The following ANKRD28 variants were observed in gnomAD, a reference collection of about 807,000 sequenced individuals.
ANKRD28 encodes serine/threonine-protein phosphatase 6 regulatory ankyrin repeat subunit A.
ANKRD28 carries 44 observed loss-of-function variants against 126.5 expected under a neutral mutation model. The ratio of observed to expected loss-of-function variants is 0.35; its 90% CI spans 0.27 to 0.45. The LOEUF (loss-of-function observed/expected upper bound fraction) is 0.45. ANKRD28 is among the 20% of genes least tolerant of loss of function. ANKRD28 has a pLI of 1.00. For missense variants in ANKRD28, 1,110 were observed against 1,316.6 expected, an observed-to-expected ratio of 0.84 and a Z score of 2.43; for synonymous variants, 442 against 468.5, an observed-to-expected ratio of 0.94 and a Z score of 0.73.
chr3:15,677,531 C>A lies in ANKRD28; in HGVS notation c.2739G>T (p.Leu913=). The change falls in exon 25 of 28, where the codon CTG becomes CTT. Residue 913 remains leucine, a synonymous_variant. Coordinates refer to ENST00000683139, the MANE Select transcript of ANKRD28 (RefSeq NM_001349278.2). ...TATTTTTACTGTTATCTTGTAAAGT[C>A]AGTTCTGCACTAGCACTGCTAACCA... is the stretch of plus-strand genomic sequence containing the variant. The part of the protein sequence containing the change: ...EMLVSSASAE[L]TLQDNSKNTA... 6.2e-7 allele frequency: 1 copy of A among 1,612,968 alleles called. No individual in the cohort carries two copies. The highest frequency in any genetic ancestry group is 1.1e-5 in the South Asian group (1 of 90,968).
intron 1 of ANKRD28, among the ~76,000 whole-genome samples, chr3:15,805,247 C>T (rs1309359177): frequency 6.6e-6 from 1 of 151,170 alleles, no homozygotes; most frequent in Non-Finnish European, 1.5e-5. Context: ...AACTAAGGAA[C>T]AAAGGGAGAA....
Position 15,668,854 on chromosome 3 carries a change from G to A in ANKRD28, c.*1416C>T, listed in dbSNP as rs568725996. 2 of 152,642 alleles carry A rather than the reference G, an allele frequency of 1.3e-5. No individual in the cohort carries two copies. The highest frequency in any genetic ancestry group is 1.3e-4 in the Admixed American group (2 of 15,286). The allele number at this position is 152,642 out of a possible 1,614,324, so 9.5% of individuals were successfully genotyped here. The stretch of plus-strand genomic sequence containing the variant: ...GTTTCCAGTTTCACAATACAAAAAG[G>A]ATAAAATGAAATTGGGTATCATTTT... On this transcript the variant is annotated 3_prime_UTR_variant, in exon 28 of 28. Coordinates refer to ENST00000683139, the MANE Select transcript of ANKRD28 (RefSeq NM_001349278.2).
intron 6 of ANKRD28, among the ~76,000 whole-genome samples, chr3:15,728,373 A>G (rs1485878581): frequency 6.6e-6 from 1 of 152,134 alleles, no homozygotes; most frequent in Non-Finnish European, 1.5e-5. Flanking sequence ...ATCTCACTGT[A>G]ACCTCAAACT....
chr3:15,794,007 T>C (rs2125806756), intron 2 of ANKRD28, among the ~76,000 whole-genome samples: 1 of 152,174 alleles, frequency 6.6e-6, no homozygotes, highest in Non-Finnish European at 1.5e-5. Context: ...GAGGCAGAGG[T>C]TGCAGTGAGC....
At chr3:15,778,935 G>A (rs796770200) in intron 2 of ANKRD28, among the ~76,000 whole-genome samples, 6 of 152,180 alleles carry the variant, frequency 3.9e-5, no homozygotes, top group Non-Finnish European at 7.3e-5. Flanking sequence ...GTATAAGTAT[G>A]TAGCATTTGC....
chr3:15,747,880 G>A (rs936704118), intron 4 of ANKRD28, among the ~76,000 whole-genome samples: 1 of 152,140 alleles, frequency 6.6e-6, no homozygotes, highest in Non-Finnish European at 1.5e-5. Context: ...TCCAGTGTTA[G>A]GAGCATACAT....
chr3:15,759,021 C>CA (rs1027404344), intron 3 of ANKRD28, among the ~76,000 whole-genome samples: 3 of 152,178 alleles, frequency 2.0e-5, no homozygotes, highest in Non-Finnish European at 4.4e-5. Flanking sequence ...TGAATGCAAG[C>CA]ATTAAGTGAA....
intron 18 of ANKRD28, among the ~76,000 whole-genome samples, chr3:15,686,912 C>T (rs17041449): frequency 0.027 from 4,043 of 151,470 alleles, 183 homozygotes; most frequent in African/African-American, 0.091. Flanking sequence ...GTTGTAGAAT[C>T]AACCAACCCT....
At chr3:15,827,172 T>C (rs554999218) in intron 1 of ANKRD28, among the ~76,000 whole-genome samples, 10 of 152,220 alleles carry the variant, frequency 6.6e-5, no homozygotes, top group African/African-American at 2.4e-4. Context: ...TGGGGAGGAA[T>C]GTAAATTAGT....
chr3:15,737,945 G>A (rs1292071039), intron 4 of ANKRD28, among the ~76,000 whole-genome samples: 2 of 149,742 alleles, frequency 1.3e-5, no homozygotes, highest in Admixed American at 6.6e-5. Context: ...TTTTTGCAGT[G>A]CTGCTTAGAG....
At chr3:15,832,051 G>T (rs1196739485) in intron 1 of ANKRD28, among the ~76,000 whole-genome samples, 1 of 152,118 alleles carries the variant, frequency 6.6e-6, no homozygotes, top group Non-Finnish European at 1.5e-5. Context: ...TCCACTATAT[G>T]CCAAAGCATT....
chr3:15,706,868 G>A (rs796512460), intron 14 of ANKRD28, among the ~76,000 whole-genome samples: 19 of 152,106 alleles, frequency 1.2e-4, no homozygotes, highest in African/African-American at 4.6e-4. Context: ...TCATGTGTCT[G>A]TTGGCTGCAT....
chr3:15,756,413 T>C (rs2058158217), intron 3 of ANKRD28: 1 of 785,764 alleles, frequency 1.3e-6, no homozygotes, highest in South Asian at 5.8e-5. Context: ...TACCTAAATC[T>C]AGAATTAAAT....
chr3:15,694,324 C>G lies in ANKRD28; in HGVS notation c.1761+415G>C, dbSNP rs2069218137. ...AGTGAACACACAACAAGTTAGCACCCCAAGATCACAAAGTAAGCAAAAAAT... is the reference window on the plus strand; with the variant it reads ...AGTGAACACACAACAAGTTAGCACCGCAAGATCACAAAGTAAGCAAAAAAT... On this transcript the variant is annotated intron_variant, in intron 17 of 27. Transcript: ENST00000683139. Among the ~76,000 whole-genome samples, 3 of 152,148 alleles carry G rather than the reference C, an allele frequency of 2.0e-5. No individual in the cohort carries two copies. The South Asian group carries it at 6.2e-4, about 32-fold the overall frequency.
chr3:15,675,087 T>C (rs2066795413), intron 27 of ANKRD28, among the ~76,000 whole-genome samples: 1 of 152,098 alleles, frequency 6.6e-6, no homozygotes, highest in Admixed American at 6.5e-5. Context: ...CTGGCCAATA[T>C]GGTGAAACTC....
At chr3:15,708,196 A>T in intron 13 of ANKRD28, 132 bp from the exon 14 acceptor site, 1 of 999,146 alleles carries the variant, frequency 1.0e-6, no homozygotes, top group Non-Finnish European at 1.4e-6. Flanking sequence ...CCATATACTA[A>T]GTCTTGCGGA....
At chr3:15,805,391 CT>C (rs1031445746) in intron 1 of ANKRD28, among the ~76,000 whole-genome samples, 2 of 151,592 alleles carry the variant, frequency 1.3e-5, no homozygotes, top group African/African-American at 2.4e-5. Flanking sequence ...TTTTAGAGGT[CT>C]TTTTTTTAAA....
chr3:15,800,996 C>T (rs889679266), upstream of ANKRD28, among the ~76,000 whole-genome samples: 4 of 152,080 alleles, frequency 2.6e-5, no homozygotes, highest in African/African-American at 4.8e-5. Context: ...GAAAGTACTT[C>T]TGATAAAAAA....
At chr3:15,696,311 G>A in intron 14 of ANKRD28, 66 bp from the exon 15 acceptor site, 1 of 1,050,666 alleles carries the variant, frequency 9.5e-7, no homozygotes, top group East Asian at 2.7e-5. Context: ...GATAAAAAGA[G>A]ACTGAAATTA....
Sources: allele counts gnomAD v4.1 joint callset (sites outside exome capture counted in the v4.1 genomes callset), GRCh38; gene constraint gnomAD v4.1.1; transcripts MANE v1.5; gene names NCBI Gene and HGNC (gene_info 2026-07-23, HGNC 2026-07-21).